The following CWC27 variants were observed in gnomAD, a reference collection of about 807,000 sequenced individuals.
CWC27 encodes the protein spliceosome-associated protein CWC27 homolog.
A neutral mutation model predicts 63.6 loss-of-function variants in CWC27; 47 were observed. The ratio of observed to expected loss-of-function variants is 0.74; its 90% CI spans 0.58 to 0.94. The LOEUF (loss-of-function observed/expected upper bound fraction) is 0.94, where lower values mean the gene tolerates loss of function less well. Ranked by LOEUF, CWC27 falls within the 40% of genes least tolerant of loss-of-function variation. The pLI, the probability that CWC27 is intolerant of heterozygous loss-of-function variation, is 0.00. For synonymous variants in CWC27, 175 were observed against 179.8 expected, an observed-to-expected ratio of 0.97 and a Z score of 0.22; for missense variants, 495 against 554.3, an observed-to-expected ratio of 0.89 and a Z score of 1.07.
chr5:64,876,021 A>T (rs1746784917), intron 10 of CWC27, among the ~76,000 whole-genome samples: 1 of 152,134 alleles, frequency 6.6e-6, no homozygotes, highest in Non-Finnish European at 1.5e-5. Context: ...ACATTGGTTA[A>T]CTTAGTTGTC....
chr5:64,866,231 A>G (rs1216023004), intron 10 of CWC27, among the ~76,000 whole-genome samples: 2 of 152,076 alleles, frequency 1.3e-5, no homozygotes, highest in East Asian at 3.9e-4. Flanking sequence ...TGATTCAGAA[A>G]CCAAAGCTGG....
chr5:65,004,879 T>TAC (rs1234133707), intron 13 of CWC27, among the ~76,000 whole-genome samples: 13 of 38,444 alleles, frequency 3.4e-4, no homozygotes, highest in Non-Finnish European at 7.2e-4. Context: ...TATATATATA[T>TAC]ATATATATAT....
intron 10 of CWC27, among the ~76,000 whole-genome samples, chr5:64,815,103 G>A (rs1391387388): frequency 1.3e-5 from 2 of 152,050 alleles, no homozygotes; most frequent in African/African-American, 2.4e-5. Flanking sequence ...AGATATTTTT[G>A]CCCTGTTGGT....
chr5:64,812,220 C>G (rs1290734476), intron 10 of CWC27, among the ~76,000 whole-genome samples: 1 of 151,574 alleles, frequency 6.6e-6, no homozygotes, highest in African/African-American at 2.4e-5. Flanking sequence ...AATGATAGTA[C>G]AAATTAAAAA....
At chr5:64,781,587 C>T (rs1386621522) in intron 2 of CWC27, among the ~76,000 whole-genome samples, 1 of 152,064 alleles carries the variant, frequency 6.6e-6, no homozygotes, top group African/African-American at 2.4e-5. Context: ...TTGTGATAAC[C>T]AAAAATATTT....
intron 11 of CWC27, among the ~76,000 whole-genome samples, chr5:64,893,100 T>G (rs768345185): frequency 2.6e-5 from 4 of 152,226 alleles, no homozygotes; most frequent in Non-Finnish European, 5.9e-5. Context: ...CACACGTGTT[T>G]TATTGTTTTG....
chr5:65,016,728 T>G (rs1184204700), intron 13 of CWC27, among the ~76,000 whole-genome samples: 1 of 152,164 alleles, frequency 6.6e-6, no homozygotes, highest in African/African-American at 2.4e-5. Flanking sequence ...AAAATCTTTT[T>G]AGGATTCTTC....
At chr5:64,942,438 TAAA>T (rs35936421) in intron 11 of CWC27, among the ~76,000 whole-genome samples, 9 of 96,546 alleles carry the variant, frequency 9.3e-5, no homozygotes, top group African/African-American at 2.2e-4. Flanking sequence ...CCTATCTCTT[TAAA>T]AAAAAAAAAA....
chr5:64,801,264 C>A, intron 8 of CWC27, 38 bp from the exon 9 acceptor site: 2 of 1,392,710 alleles, frequency 1.4e-6, no homozygotes, highest in East Asian at 2.7e-5. Context: ...TTAGTTTTAC[C>A]TTGAAACTAA....
intron 10 of CWC27, among the ~76,000 whole-genome samples, chr5:64,809,063 A>C (rs138717872): frequency 1.5e-3 from 223 of 152,318 alleles, no homozygotes; most frequent in African/African-American, 5.1e-3. Flanking sequence ...AAAAATTGCC[A>C]TTACCCATAA....
At chr5:64,861,754 A>G (rs6872595) in intron 10 of CWC27, among the ~76,000 whole-genome samples, 57,898 of 151,990 alleles carry the variant, frequency 0.38, 11,817 homozygotes, top group East Asian at 0.52. Context: ...TAACAGCAAC[A>G]TAATACCAGG....
chr5:64,774,792 G>A lies in CWC27; in HGVS notation c.139+5G>A, dbSNP rs200858460. On this transcript the variant is annotated splice_donor_5th_base_variant and intron_variant, in intron 2 of 13. Coordinates refer to ENST00000381070, the MANE Select transcript of CWC27 (RefSeq NM_005869.4). ...TTATCCAACTTTGTTTGGAAGGTAT[G>A]TTGACTTTTATTCTACTGGAGAAAT... 31 of 598,916 alleles carry A rather than the reference G, an allele frequency of 5.2e-5. No individual in the cohort carries two copies. Among genetic ancestry groups the A allele is most frequent in the Non-Finnish European group, 7.0e-5 (30 of 425,742 alleles). The allele number at this position is 598,916 out of a possible 1,614,324, so 37.1% of individuals were successfully genotyped here.
intron 11 of CWC27, among the ~76,000 whole-genome samples, chr5:64,902,165 GTAT>G (rs1397772427): frequency 2.0e-5 from 3 of 152,240 alleles, no homozygotes; most frequent in Admixed American, 6.5e-5. Flanking sequence ...TTATTATCAA[GTAT>G]TATGTACTGT....
At chr5:64,960,992 C>A (rs1260979486) in intron 11 of CWC27, among the ~76,000 whole-genome samples, 1 of 151,896 alleles carries the variant, frequency 6.6e-6, no homozygotes, top group Admixed American at 6.6e-5. Context: ...GGTCCTGAGA[C>A]AACAGAGGGT....
At chr5:64,786,677 C>A in intron 6 of CWC27, 50 bp downstream of exon 6, 2 of 1,099,076 alleles carry the variant, frequency 1.8e-6, no homozygotes, top group Non-Finnish European at 1.3e-6. Context: ...GACACTCATT[C>A]ATTTAGTTTA....
chr5:64,953,451 A>G (rs919852007), intron 11 of CWC27, among the ~76,000 whole-genome samples: 1 of 152,254 alleles, frequency 6.6e-6, no homozygotes, highest in East Asian at 1.9e-4. Context: ...AGTTCACTCA[A>G]TATGTTGGCT....
chr5:65,005,736 A>T (rs572385437), intron 13 of CWC27, among the ~76,000 whole-genome samples: 1 of 152,346 alleles, frequency 6.6e-6, no homozygotes, highest in African/African-American at 2.4e-5. Flanking sequence ...GTGAACAATT[A>T]TGAAAAGAGA....
chr5:64,905,310 G>T (rs550127970), intron 11 of CWC27, among the ~76,000 whole-genome samples: 1 of 151,020 alleles, frequency 6.6e-6, no homozygotes, highest in Non-Finnish European at 1.5e-5. Flanking sequence ...GCCCTTAATA[G>T]GAACATGTTA....
chr5:64,812,225 T>TA (rs886709775), intron 10 of CWC27, among the ~76,000 whole-genome samples: 26 of 151,866 alleles, frequency 1.7e-4, no homozygotes, highest in Middle Eastern at 3.4e-3. Flanking sequence ...TAGTACAAAT[T>TA]AAAAAAAACA....
Sources: allele counts gnomAD v4.1 joint callset (sites outside exome capture counted in the v4.1 genomes callset), GRCh38; gene constraint gnomAD v4.1.1; transcripts MANE v1.5; gene names NCBI Gene and HGNC (gene_info 2026-07-23, HGNC 2026-07-21).